The following STAP2 variants were observed in gnomAD, a reference collection of about 807,000 sequenced individuals.
STAP2 encodes signal-transducing adaptor protein 2.
In STAP2, 58 loss-of-function variants were observed where a neutral mutation model predicts 52.7. The ratio of observed to expected loss-of-function variants is 1.10; its 90% CI spans 0.89 to 1.37. The LOEUF is 1.37. Ranked by LOEUF, STAP2 falls within the 40% of genes most tolerant of loss-of-function variation. The probability of loss-of-function intolerance (pLI) is 0.00; values close to 1 mark genes in which losing one functional copy is unlikely to be tolerated. For missense variants in STAP2, 522 were observed against 519.4 expected, an observed-to-expected ratio of 1.00 and a Z score of -0.05; for synonymous variants, 231 against 210.5, an observed-to-expected ratio of 1.10 and a Z score of -0.84.
At chr19:4,330,358 TA>T (rs1457370861) in intron 4 of STAP2, among the ~76,000 whole-genome samples, 1 of 151,528 alleles carries the variant, frequency 6.6e-6, no homozygotes, top group East Asian at 1.9e-4. Flanking sequence ...CCGTTTGTAC[TA>T]AAAATACAAA....
chr19:4,324,342 A>T, intron 12 of STAP2, 113 bp downstream of exon 12: 1 of 1,304,132 alleles, frequency 7.7e-7, no homozygotes, highest in Non-Finnish European at 1.1e-6. Flanking sequence ...GAATTTCAAG[A>T]CAGAGACAGC....
chr19:4,336,512 A>G (rs1000327813), intron 1 of STAP2, among the ~76,000 whole-genome samples: 3 of 150,232 alleles, frequency 2.0e-5, no homozygotes, highest in African/African-American at 4.9e-5. Flanking sequence ...ATGGGGTTTC[A>G]TCATGTGGCC....
chr19:4,333,597 C>G, intron 3 of STAP2, 97 bp downstream of exon 3: 1 of 1,488,294 alleles, frequency 6.7e-7, no homozygotes, highest in South Asian at 1.4e-5. Context: ...GGGCCCTGTA[C>G]TACCTGCCCC....
chr19:4,334,164 A>G (rs1971937423), intron 1 of STAP2, 120 bp from the exon 2 acceptor site: 1 of 729,488 alleles, frequency 1.4e-6, no homozygotes, highest in Non-Finnish European at 2.2e-6. Flanking sequence ...CTGCCCCCAG[A>G]TCTTTATTAC....
intron 1 of STAP2, among the ~76,000 whole-genome samples, chr19:4,335,989 C>A (rs562791728): frequency 1.2e-4 from 18 of 152,100 alleles, no homozygotes; most frequent in African/African-American, 4.3e-4. Flanking sequence ...CTTCTTAATT[C>A]GGGCCCATGA....
At chr19:4,335,509 C>T (rs772065942) in intron 1 of STAP2, among the ~76,000 whole-genome samples, 76 of 152,218 alleles carry the variant, frequency 5.0e-4, no homozygotes, top group Middle Eastern at 3.4e-3. Context: ...ATCAAGCCCG[C>T]ATGTATTCAC....
In STAP2 at chr19:4,330,082, A is replaced by G. The variant is rs371566510; in HGVS notation, c.355-21T>C. The G allele has an allele frequency of 3.7e-6, 6 of 1,602,634 alleles. No homozygotes were observed. The African/African-American group carries it at 6.7e-5, about 18-fold the overall frequency. ...CGGAGCTGAGGGGCGATCGAGGGAC[A>G]GTGACTGCACCTGGCCAGCCGGGAA... On this transcript the variant is annotated intron_variant, in intron 4 of 12. Coordinates refer to ENST00000594605, the MANE Select transcript of STAP2 (RefSeq NM_001013841.2).
chr19:4,329,691 C>A (rs865872544), intron 5 of STAP2, among the ~76,000 whole-genome samples: 2 of 152,150 alleles, frequency 1.3e-5, no homozygotes, highest in Non-Finnish European at 2.9e-5. Flanking sequence ...TGACCACCCC[C>A]AGACCCTGTC....
intron 1 of STAP2, among the ~76,000 whole-genome samples, chr19:4,334,433 C>T (rs1049272528): frequency 1.3e-4 from 20 of 151,880 alleles, no homozygotes; most frequent in South Asian, 2.1e-4. Flanking sequence ...TCTGTCCATC[C>T]GCCCACCCAC....
intron 5 of STAP2, among the ~76,000 whole-genome samples, chr19:4,329,385 G>A (rs2144784968): frequency 6.6e-6 from 1 of 152,004 alleles, no homozygotes; most frequent in Admixed American, 6.5e-5. Flanking sequence ...GATGACAGGC[G>A]CGAGCCACCG....
In STAP2 at chr19:4,327,155, G is replaced by A; in HGVS notation, c.732C>T (p.Phe244=). Residue 244 remains phenylalanine (F), a synonymous_variant, in exon 8 of 13, where the codon TTC becomes TTT. Coordinates refer to ENST00000594605, the MANE Select transcript of STAP2 (RefSeq NM_001013841.2). ...CCTTCTCGTAGTCCTCGTCTAACAG[G>A]AATGGCACCAGCGCCTTTTTGGTAT... The part of the protein sequence containing the change: ...VSHTKKALVP[F]LLDEDYEKVL... 6.2e-7 allele frequency: 1 copy of A among 1,614,222 alleles called. No individual in the cohort carries two copies. The highest frequency in any genetic ancestry group is 1.3e-5 in the African/African-American group (1 of 75,066).
At position 4,328,746 on chromosome 19, in the gene STAP2, C is replaced by T; in HGVS notation, c.519G>A (p.Gly173=). 6.2e-7 allele frequency: 1 copy of T among 1,610,334 alleles called. No homozygotes were observed. The highest frequency in any genetic ancestry group is 8.5e-7 in the Non-Finnish European group (1 of 1,178,920). The change falls in exon 6 of 13, where the codon GGG becomes GGA. Residue 173 remains glycine (G), a synonymous_variant. Coordinates refer to ENST00000594605, the MANE Select transcript of STAP2 (RefSeq NM_001013841.2). ...CCCCGCTGGGCCGCAGCAGCAGGTT[C>T]CCGCACTCGGGGTAGCGCTCCAGGA... ...QLLLERYPEC[G]NLLLRPSGDG... is the part of the protein sequence containing the mutation.
At position 4,332,141 on chromosome 19, in the gene STAP2, T is replaced by C. The variant is rs563993614; in HGVS notation, c.298-63A>G. The C allele has an allele frequency of 4.2e-5, 60 of 1,440,330 alleles. 1 individual carries two copies. The East Asian group carries it at 1.2e-3, about 28-fold the overall frequency. 89.2% of individuals were successfully genotyped at this position (1,440,330 alleles called of 1,614,324 possible). On this transcript the variant is annotated intron_variant, in intron 3 of 12. Coordinates refer to ENST00000594605, the MANE Select transcript of STAP2 (RefSeq NM_001013841.2). ...AGCCTCAGTCTACTCATCAATGAAA[T>C]TGGACTAGGGAAGAGTCCCTGCTTC...
chr19:4,331,056 A>G (rs1208133463), intron 4 of STAP2, among the ~76,000 whole-genome samples: 6 of 149,700 alleles, frequency 4.0e-5, no homozygotes, highest in South Asian at 2.3e-4. Flanking sequence ...GTGGCCAGGC[A>G]TGGTGGCTCA....
In STAP2 at chr19:4,337,548, C is replaced by CAAAA. The variant is rs376844059; in HGVS notation, c.102+1100_102+1103dup. On this transcript the variant is annotated intron_variant, in intron 1 of 12. Coordinates refer to ENST00000594605, the MANE Select transcript of STAP2 (RefSeq NM_001013841.2). ...CGCCTGGCCAGCAAGACCCCATCTT[C>CAAAA]AAAAAAAAAAAAAAAAGGCTGGGTG... 4.1e-3 allele frequency among the ~76,000 whole-genome samples: 415 copies of CAAAA among 100,636 alleles called. 2 individuals carry two copies. Among genetic ancestry groups the CAAAA allele is most frequent in the Middle Eastern group, 0.01 (2 of 196 alleles). 66.0% of individuals were successfully genotyped at this position (100,636 alleles called of 152,430 possible). A position where few individuals can be genotyped will look rare whatever the true frequency, so the allele number is the denominator to read the frequency against.
intron 6 of STAP2, 63 bp downstream of exon 6, chr19:4,328,612 C>T (rs544931031): frequency 9.7e-5 from 149 of 1,535,898 alleles, no homozygotes; most frequent in Middle Eastern, 4.6e-4. Context: ...TCTGACCACG[C>T]CCCCGCGCCC....
chr19:4,325,672 G>T, intron 9 of STAP2, 127 bp from the exon 10 acceptor site: 1 of 1,195,652 alleles, frequency 8.4e-7, no homozygotes, highest in Admixed American at 2.5e-5. Context: ...GTGTGCCCAT[G>T]TATAAGTCTG....
In STAP2 at chr19:4,324,998, G is replaced by T. The variant is rs1035348703; in HGVS notation, c.1072+218C>A. On this transcript the variant is annotated intron_variant, in intron 11 of 12. Coordinates refer to ENST00000594605, the MANE Select transcript of STAP2 (RefSeq NM_001013841.2). ...AAATACAAAAAAAAAAATTAGCTGG[G>T]CATGGTGGCGGGCACCTGTAGTCCC... 1.3e-5 allele frequency: 7 copies of T among 533,042 alleles called. No homozygotes were observed. The Admixed American group carries it at 2.2e-4, about 17-fold the overall frequency. The allele number at this position is 533,042 out of a possible 1,614,324, so 33.0% of individuals were successfully genotyped here. A position where few individuals can be genotyped will look rare whatever the true frequency, so the allele number is the denominator to read the frequency against.
intron 5 of STAP2, among the ~76,000 whole-genome samples, chr19:4,329,558 A>T: frequency 6.6e-6 from 1 of 151,450 alleles, no homozygotes; most frequent in Non-Finnish European, 1.5e-5. Flanking sequence ...CCTGATCACC[A>T]AGAACCGCCC....
Sources: gnomAD v4.1 joint callset for allele counts (sites outside exome capture counted in the v4.1 genomes callset) on GRCh38, gnomAD v4.1.1 for gene constraint, MANE v1.5 for transcripts, NCBI Gene and HGNC (gene_info 2026-07-23, HGNC 2026-07-21) for gene names.